The following CCDC88C variants were observed in gnomAD, a reference collection of about 807,000 sequenced individuals.
CCDC88C encodes the protein coiled-coil and HOOK domain protein 88C.
CCDC88C carries 131 observed loss-of-function variants against 198.8 expected under a neutral mutation model. The ratio of observed to expected loss-of-function variants is 0.66; its 90% CI spans 0.57 to 0.76. CCDC88C has a LOEUF of 0.76. CCDC88C is among the 30% of genes least tolerant of loss of function. The pLI is 0.00. For missense variants in CCDC88C, 2,553 were observed against 2,631.6 expected (o/e 0.97, Z 0.65); for synonymous variants, 1,166 against 1,114.7 (o/e 1.05, Z -0.92).
intron 10 of CCDC88C, among the ~76,000 whole-genome samples, chr14:91,336,225 G>A (rs188651606): frequency 2.0e-5 from 3 of 152,326 alleles, no homozygotes; most frequent in East Asian, 1.9e-4. Context: ...AGAGGGCACA[G>A]CTTGTGTGTT....
rs143473017 is a variant in CCDC88C at position 91,333,594 on chromosome 14, T to C, written c.1050+4411A>G. On this transcript the variant is annotated intron_variant, in intron 10 of 29. Transcript: ENST00000389857. The stretch of plus-strand genomic sequence containing the variant: ...AGGACACGGCAAACTGTAAACTGCT[T>C]GCGATTCTGGAGGACTTTGTTCTTC... Among the ~76,000 whole-genome samples the C allele has an allele frequency of 5.5e-3, 838 of 152,372 alleles. 16 individuals are homozygous for C. Among genetic ancestry groups the C allele is most frequent in the Non-Finnish European group, 7.0e-3 (476 of 68,038 alleles).
At chr14:91,337,911 G>C in intron 10 of CCDC88C, 94 bp downstream of exon 10, 1 of 1,480,038 alleles carries the variant, frequency 6.8e-7, no homozygotes, top group South Asian at 1.2e-5. Flanking sequence ...CTGTGGCTCC[G>C]CTCCTCCAAG....
At chr14:91,289,428 G>A in intron 24 of CCDC88C, 85 bp from the exon 25 acceptor site, 1 of 1,190,670 alleles carries the variant, frequency 8.4e-7, no homozygotes, top group African/African-American at 1.5e-5. Context: ...GGGCTGGGAT[G>A]TTCTTCCCCA....
At chr14:91,351,160 C>T (rs1004858536) in intron 4 of CCDC88C, among the ~76,000 whole-genome samples, 5 of 152,214 alleles carry the variant, frequency 3.3e-5, no homozygotes, top group Admixed American at 1.3e-4. Flanking sequence ...CTCTCTTCTA[C>T]GGCACGTATG....
chr14:91,302,116 T>C (rs1679994680), intron 20 of CCDC88C, among the ~76,000 whole-genome samples: 1 of 152,178 alleles, frequency 6.6e-6, no homozygotes, highest in Non-Finnish European at 1.5e-5. Context: ...AGTGAATAAA[T>C]GAATGTCATC....
intron 10 of CCDC88C, among the ~76,000 whole-genome samples, chr14:91,326,773 G>A (rs1019450131): frequency 2.0e-5 from 3 of 152,206 alleles, no homozygotes; most frequent in Admixed American, 6.5e-5. Flanking sequence ...GAAAACAGCA[G>A]CTATTCAGAT....
chr14:91,280,575 A>G (rs929010624), intron 27 of CCDC88C, among the ~76,000 whole-genome samples: 4 of 152,220 alleles, frequency 2.6e-5, no homozygotes, highest in African/African-American at 9.6e-5. Context: ...AAGTACTGCA[A>G]TGCAAATCCT....
intron 23 of CCDC88C, 28 bp downstream of exon 23, chr14:91,294,145 G>C: frequency 6.2e-7 from 1 of 1,612,366 alleles, no homozygotes; most frequent in Non-Finnish European, 8.5e-7. Flanking sequence ...TGAGGGTGCG[G>C]AGAGGGGTTC....
At chr14:91,383,646 C>T (rs755158872) in intron 3 of CCDC88C, among the ~76,000 whole-genome samples, 10 of 152,140 alleles carry the variant, frequency 6.6e-5, no homozygotes, top group Non-Finnish European at 1.5e-4. Flanking sequence ...GTGTGGGGAC[C>T]GGATGAATGG....
At position 91,408,775 on chromosome 14, in the gene CCDC88C, A is replaced by G. The variant is rs755453878; in HGVS notation, c.162-8T>C. Reference sequence around the variant, plus strand: ...TTTGTGGGCCTGGGATCTCTAGGGGAAGAAACACGAGAATGGAAATTGCAT... The same window carrying G: ...TTTGTGGGCCTGGGATCTCTAGGGGGAGAAACACGAGAATGGAAATTGCAT... On this transcript the variant is annotated splice_region_variant and splice_polypyrimidine_tract_variant and intron_variant, in intron 2 of 29. Coordinates refer to ENST00000389857, the MANE Select transcript of CCDC88C (RefSeq NM_001080414.4). 13 of 1,588,608 alleles carry G rather than the reference A, an allele frequency of 8.2e-6. No individual in the cohort carries two copies. The highest frequency in any genetic ancestry group is 1.7e-4 in the Middle Eastern group (1 of 6,034).
At chr14:91,294,110 A>C in intron 23 of CCDC88C, 63 bp downstream of exon 23, 6 of 1,592,688 alleles carry the variant, frequency 3.8e-6, no homozygotes, top group African/African-American at 2.7e-5. Context: ...CAGGACCTCC[A>C]GAGACTGAGG....
At chr14:91,385,948 T>C (rs1044382405) in intron 3 of CCDC88C, among the ~76,000 whole-genome samples, 4 of 152,112 alleles carry the variant, frequency 2.6e-5, no homozygotes, top group East Asian at 1.9e-4. Context: ...GAGAAAAACA[T>C]TGGGCCAGGA....
chr14:91,317,119 G>C (rs145612471), intron 13 of CCDC88C, among the ~76,000 whole-genome samples: 1 of 152,328 alleles, frequency 6.6e-6, no homozygotes, highest in Non-Finnish European at 1.5e-5. Flanking sequence ...TTTCCTTCCT[G>C]ACTCAAAGAA....
chr14:91,303,628 C>T (rs1891424383), intron 20 of CCDC88C, 73 bp downstream of exon 20: 5 of 1,448,090 alleles, frequency 3.5e-6, no homozygotes, highest in Non-Finnish European at 4.6e-6. Flanking sequence ...CCAGGCCCCA[C>T]CTTTCCCCCT....
chr14:91,337,865 C>T, intron 10 of CCDC88C, 140 bp downstream of exon 10: 4 of 1,002,220 alleles, frequency 4.0e-6, no homozygotes, highest in East Asian at 2.6e-5. Flanking sequence ...GAAGCCCAGG[C>T]AGGCTGAGGT....
At chr14:91,342,162 T>C in intron 6 of CCDC88C, 1 of 404,368 alleles carries the variant, frequency 2.5e-6, no homozygotes, top group Non-Finnish European at 4.4e-6. Context: ...TTTTTTTTTT[T>C]AATTTTTATT....
chr14:91,361,867 C>A (rs1481462048), intron 3 of CCDC88C, among the ~76,000 whole-genome samples: 1 of 152,202 alleles, frequency 6.6e-6, no homozygotes, highest in African/African-American at 2.4e-5. Flanking sequence ...TGCTTTCCAG[C>A]TAATTTACTC....
intron 4 of CCDC88C, among the ~76,000 whole-genome samples, chr14:91,348,558 C>T (rs1414257510): frequency 6.6e-6 from 1 of 152,076 alleles, no homozygotes; most frequent in Non-Finnish European, 1.5e-5. Flanking sequence ...AACGGTTCTA[C>T]TCTCTCAGCA....
At chr14:91,297,530 G>A in intron 21 of CCDC88C, 39 bp from the exon 22 acceptor site, 1 of 1,544,462 alleles carries the variant, frequency 6.5e-7, no homozygotes, top group Non-Finnish European at 8.8e-7. Context: ...GAGCTGAAGA[G>A]CCTGACAAAC....
Sources: allele counts gnomAD v4.1 joint callset (sites outside exome capture counted in the v4.1 genomes callset), GRCh38; gene constraint gnomAD v4.1.1; transcripts MANE v1.5; gene names NCBI Gene and HGNC (gene_info 2026-07-23, HGNC 2026-07-21).